Variants in MATN2 observed in about 807,000 individuals in gnomAD.
MATN2 encodes the protein matrilin 2, also known as matrilin-2.
Under a neutral mutation model 103.2 loss-of-function variants are expected in MATN2, and 69 were observed. That is an observed-to-expected ratio of 0.67 (90% CI 0.55 to 0.82). The LOEUF (loss-of-function observed/expected upper bound fraction) is 0.82. Ranked by LOEUF, MATN2 falls within the 40% of genes least tolerant of loss-of-function variation. The pLI is 0.00. For synonymous variants in MATN2, 429 were observed against 450.2 expected, an observed-to-expected ratio of 0.95 and a Z score of 0.60; for missense variants, 1,023 against 1,211.5, an observed-to-expected ratio of 0.84 and a Z score of 2.31.
intron 2 of MATN2, among the ~76,000 whole-genome samples, chr8:97,900,279 G>T (rs1457835539): frequency 6.6e-6 from 1 of 152,232 alleles, no homozygotes; most frequent in African/African-American, 2.4e-5. Flanking sequence ...GAACATCAAA[G>T]AGGAAGGCTG....
chr8:98,010,394 TG>T (rs1813117890), intron 10 of MATN2, among the ~76,000 whole-genome samples: 1 of 152,186 alleles, frequency 6.6e-6, no homozygotes. Context: ...GCCCAAAGAC[TG>T]GGTTTAAATC....
intron 6 of MATN2, among the ~76,000 whole-genome samples, chr8:97,994,184 G>A (rs1355382654): frequency 7.3e-6 from 1 of 137,814 alleles, no homozygotes; most frequent in Non-Finnish European, 1.6e-5. Flanking sequence ...AGAAGAGGAG[G>A]AGGGAGGGGG....
intron 5 of MATN2, among the ~76,000 whole-genome samples, chr8:97,976,448 A>G (rs577984498): frequency 6.6e-6 from 1 of 152,324 alleles, no homozygotes; most frequent in South Asian, 2.1e-4. Context: ...AAAAGAATAA[A>G]CGTAACACAG....
intron 4 of MATN2, among the ~76,000 whole-genome samples, chr8:97,959,188 T>A (rs1352011727): frequency 1.3e-5 from 2 of 152,180 alleles, no homozygotes; most frequent in Non-Finnish European, 2.9e-5. Flanking sequence ...TAGGATCAGT[T>A]TGTTCTTCAG....
chr8:98,029,278 G>T (rs1170176849), intron 14 of MATN2, among the ~76,000 whole-genome samples: 2 of 152,182 alleles, frequency 1.3e-5, no homozygotes, highest in Non-Finnish European at 2.9e-5. Context: ...AGCCTAGATT[G>T]CTAGAGCTCA....
Position 98,003,744 on chromosome 8 carries a change from C to T in MATN2, c.1288C>T (p.Arg430Cys), listed in dbSNP as rs775548481. The T allele has an allele frequency of 6.2e-6, 10 of 1,613,246 alleles. No homozygotes were observed. The highest frequency in any genetic ancestry group is 5.5e-5 in the South Asian group (5 of 91,056). The change falls in exon 8 of 19, where the codon CGT becomes TGT. Residue 430 changes from arginine to cysteine, a missense_variant. Physicochemically the swap from Arg to Cys is radical, Grantham distance 180. Coordinates refer to ENST00000254898, the MANE Select transcript of MATN2 (RefSeq NM_002380.5). Reference protein sequence around the residue: ...MEESYYCRCHRGYTLDPNGKT... With the variant: ...MEESYYCRCHCGYTLDPNGKT... The stretch of plus-strand genomic sequence containing the variant: ...GGAGAGCTACTACTGCCGCTGCCAC[C>T]GTGGCTACACTCTGGACCCCAATGG...
intron 7 of MATN2, among the ~76,000 whole-genome samples, chr8:97,998,666 TAA>T (rs1812683876): frequency 1.3e-5 from 2 of 150,894 alleles, no homozygotes; most frequent in Non-Finnish European, 3.0e-5. Context: ...TTTAAAATTT[TAA>T]AAATTTTTTT....
intron 6 of MATN2, among the ~76,000 whole-genome samples, chr8:97,988,219 CATATAT>C (rs60086528): frequency 2.4e-5 from 3 of 124,346 alleles, no homozygotes; most frequent in Admixed American, 1.7e-4. Flanking sequence ...TACACACATA[CATATAT>C]ATATATATAT....
At chr8:98,002,747 C>T (rs1229322358) in intron 7 of MATN2, among the ~76,000 whole-genome samples, 1 of 152,142 alleles carries the variant, frequency 6.6e-6, no homozygotes, top group East Asian at 1.9e-4. Context: ...AAACAAGCTC[C>T]TGGAGAGCAG....
chr8:97,956,732 C>T (rs1811158905), intron 4 of MATN2, among the ~76,000 whole-genome samples: 1 of 152,172 alleles, frequency 6.6e-6, no homozygotes, highest in Non-Finnish European at 1.5e-5. Flanking sequence ...TGAGTCCTGC[C>T]TCCTACCTCA....
rs541728864 is a variant in MATN2 at position 97,923,616 on chromosome 8, C to T, written c.143-7337C>T. Among the ~76,000 whole-genome samples the T allele has an allele frequency of 1.2e-4, 18 of 152,036 alleles. No homozygotes were observed. In the South Asian group the frequency reaches 3.7e-3, roughly 32 times the overall value. ...TGTTGCCCAGATTGGAGTATAGTGG[C>T]ACAATCTCGGCTCACTGCTATGTCT... On this transcript the variant is annotated intron_variant, in intron 2 of 18. Transcript: ENST00000254898.
chr8:98,006,484 C>T (rs527498384), intron 8 of MATN2, among the ~76,000 whole-genome samples: 2 of 152,294 alleles, frequency 1.3e-5, no homozygotes, highest in Non-Finnish European at 1.5e-5. Flanking sequence ...GAAACGATGG[C>T]AAAGAGGCCG....
intron 12 of MATN2, among the ~76,000 whole-genome samples, chr8:98,019,796 A>C (rs1045346793): frequency 2.6e-5 from 4 of 152,206 alleles, no homozygotes; most frequent in African/African-American, 9.7e-5. Context: ...GGGCAAAATA[A>C]CCCTTTTTCA....
chr8:97,895,934 A>C (rs1189596554), intron 2 of MATN2, among the ~76,000 whole-genome samples: 2 of 152,238 alleles, frequency 1.3e-5, no homozygotes, highest in African/African-American at 4.8e-5. Flanking sequence ...TGCATGGCTT[A>C]GGGGCAGATA....
intron 8 of MATN2, among the ~76,000 whole-genome samples, chr8:98,006,091 G>C (rs1472822270): frequency 1.3e-5 from 2 of 152,250 alleles, no homozygotes; most frequent in Non-Finnish European, 2.9e-5. Context: ...AGGGCTGTTA[G>C]TGGGAGCTGT....
intron 2 of MATN2, among the ~76,000 whole-genome samples, chr8:97,900,210 T>C (rs1359065395): frequency 6.6e-6 from 1 of 152,086 alleles, no homozygotes; most frequent in African/African-American, 2.4e-5. Flanking sequence ...CAGAAGACCA[T>C]GGGGCTAGAC....
At chr8:97,965,876 C>T (rs1431903273) in intron 5 of MATN2, among the ~76,000 whole-genome samples, 10 of 152,010 alleles carry the variant, frequency 6.6e-5, no homozygotes, top group African/African-American at 2.4e-4. Context: ...CCCAGCTACT[C>T]CAGAGGCTGA....
chr8:98,010,257 T>C (rs1813113954), intron 10 of MATN2, among the ~76,000 whole-genome samples: 2 of 151,884 alleles, frequency 1.3e-5, no homozygotes, highest in African/African-American at 4.8e-5. Flanking sequence ...GGCTCTCCTC[T>C]CCTCCTCCCA....
chr8:97,884,911 G>A (rs1818375916), intron 1 of MATN2, among the ~76,000 whole-genome samples: 1 of 152,204 alleles, frequency 6.6e-6, no homozygotes, highest in South Asian at 2.1e-4. Flanking sequence ...TAGGTCTACT[G>A]TTATCTCCGT....
Sources: allele counts gnomAD v4.1 joint callset (sites outside exome capture counted in the v4.1 genomes callset), GRCh38; gene constraint gnomAD v4.1.1; transcripts MANE v1.5; gene names NCBI Gene and HGNC (gene_info 2026-07-23, HGNC 2026-07-21).